KHDRBS2: variants seen among roughly 807,000 people sequenced by gnomAD.
KHDRBS2 encodes KH domain-containing, RNA-binding, signal transduction-associated protein 2.
Under a neutral mutation model 44.3 loss-of-function variants are expected in KHDRBS2, and 26 were observed. The ratio of observed to expected loss-of-function variants is 0.59; its 90% CI spans 0.43 to 0.81. KHDRBS2 has a LOEUF of 0.81. Among genes scored for constraint, KHDRBS2 ranks in the 40% least tolerant of loss-of-function variants. The probability of loss-of-function intolerance (pLI) is 0.00; values close to 1 mark genes in which losing one functional copy is unlikely to be tolerated. For missense variants in KHDRBS2, 476 were observed against 433.1 expected, an observed-to-expected ratio of 1.10 and a Z score of -0.88; for synonymous variants, 194 against 151.1, an observed-to-expected ratio of 1.28 and a Z score of -2.08.
the KHDRBS2 span, among the ~76,000 whole-genome samples, chr6:61,612,721 A>G: frequency 6.6e-6 from 1 of 152,212 alleles, no homozygotes; most frequent in Non-Finnish European, 1.5e-5. Flanking sequence ...AAAGTTTAGA[A>G]ACTTGCCCAA....
At chr6:61,556,922 G>T in the KHDRBS2 span, among the ~76,000 whole-genome samples, 3 of 121,784 alleles carry the variant, frequency 2.5e-5, no homozygotes, top group Non-Finnish European at 4.8e-5. Context: ...AGAGTGCATA[G>T]TGGTGAAAAA....
chr6:61,969,375 T>A (rs1359415313), intron 4 of KHDRBS2, among the ~76,000 whole-genome samples: 2 of 152,050 alleles, frequency 1.3e-5, no homozygotes, highest in Non-Finnish European at 2.9e-5. Flanking sequence ...ACAAAGAATA[T>A]TATAAAATAT....
chr6:62,179,013 T>C (rs6914679), intron 1 of KHDRBS2, among the ~76,000 whole-genome samples: 4,846 of 151,692 alleles, frequency 0.032, 258 homozygotes, highest in African/African-American at 0.11. Flanking sequence ...TTTTATCTAA[T>C]AGTTTTGTTT....
intron 2 of KHDRBS2, among the ~76,000 whole-genome samples, chr6:62,080,661 T>A (rs1469866434): frequency 6.6e-6 from 1 of 152,138 alleles, no homozygotes; most frequent in Non-Finnish European, 1.5e-5. Context: ...TTTGTCCATT[T>A]AGACCCACTG....
intron 6 of KHDRBS2, among the ~76,000 whole-genome samples, chr6:61,779,488 T>C (rs1374527208): frequency 6.6e-6 from 1 of 152,138 alleles, no homozygotes; most frequent in East Asian, 1.9e-4. Context: ...AAGAAAAAAG[T>C]ATGGTAACCT....
At chr6:62,135,156 A>G (rs911183180) in intron 2 of KHDRBS2, among the ~76,000 whole-genome samples, 1 of 152,094 alleles carries the variant, frequency 6.6e-6, no homozygotes, top group Non-Finnish European at 1.5e-5. Context: ...CTGTTGTGGG[A>G]GGGACCCAGT....
intron 6 of KHDRBS2, among the ~76,000 whole-genome samples, chr6:61,873,725 T>C (rs1316317408): frequency 6.6e-6 from 1 of 151,994 alleles, no homozygotes; most frequent in Non-Finnish European, 1.5e-5. Context: ...ATGAATAAGC[T>C]ATGCTACATG....
intron 3 of KHDRBS2, among the ~76,000 whole-genome samples, chr6:62,008,942 C>T (rs765557758): frequency 1.1e-4 from 16 of 151,970 alleles, no homozygotes; most frequent in Non-Finnish European, 1.5e-4. Context: ...AGTGTGAAAA[C>T]GGGCTAATAG....
chr6:62,085,184 T>C (rs1489284796), intron 2 of KHDRBS2, among the ~76,000 whole-genome samples: 2 of 152,144 alleles, frequency 1.3e-5, no homozygotes, highest in East Asian at 1.9e-4. Context: ...TTAAGAAATA[T>C]TTACATTATT....
intron 3 of KHDRBS2, among the ~76,000 whole-genome samples, chr6:62,025,009 A>T (rs1205942822): frequency 6.6e-6 from 1 of 151,696 alleles, no homozygotes; most frequent in Non-Finnish European, 1.5e-5. Context: ...GAAGAGTAAA[A>T]TTAAAACTTA....
intron 4 of KHDRBS2, among the ~76,000 whole-genome samples, chr6:61,910,096 C>G (rs1205577239): frequency 6.6e-6 from 1 of 152,106 alleles, no homozygotes; most frequent in Non-Finnish European, 1.5e-5. Flanking sequence ...GGCGCTTTTA[C>G]CGGAATAGTA....
At chr6:61,574,923 G>T in the KHDRBS2 span, among the ~76,000 whole-genome samples, 7 of 152,138 alleles carry the variant, frequency 4.6e-5, no homozygotes, top group African/African-American at 1.7e-4. Context: ...AAAGAGAAAA[G>T]AATGAAACTG....
chr6:62,178,661 T>C (rs144169344), intron 1 of KHDRBS2, among the ~76,000 whole-genome samples: 204 of 151,672 alleles, frequency 1.3e-3, no homozygotes, highest in Middle Eastern at 3.4e-3. Flanking sequence ...CAATGCACTA[T>C]GTAAAATAAG....
intron 2 of KHDRBS2, among the ~76,000 whole-genome samples, chr6:62,080,175 T>A (rs1018368591): frequency 1.1e-4 from 16 of 152,140 alleles, no homozygotes; most frequent in African/African-American, 3.9e-4. Flanking sequence ...AGTTTCTTGT[T>A]GCATTCCTAA....
intron 2 of KHDRBS2, among the ~76,000 whole-genome samples, chr6:62,062,312 C>T (rs550254110): frequency 6.9e-6 from 1 of 144,788 alleles, no homozygotes; most frequent in African/African-American, 2.6e-5. Context: ...CACCCCAAAT[C>T]AACAGAATAT....
At chr6:61,911,108 C>T (rs772109339) in intron 4 of KHDRBS2, among the ~76,000 whole-genome samples, 1 of 152,126 alleles carries the variant, frequency 6.6e-6, no homozygotes, top group Non-Finnish European at 1.5e-5. Flanking sequence ...AAAGTGTACA[C>T]ATTCTATGCA....
intron 1 of KHDRBS2, among the ~76,000 whole-genome samples, chr6:62,276,855 G>A (rs879743924): frequency 1.6e-4 from 25 of 152,286 alleles, no homozygotes; most frequent in Admixed American, 6.5e-4. Context: ...ATGGTTACAC[G>A]TGGCATCTAG....
chr6:61,827,035 G>T (rs1284159635), intron 6 of KHDRBS2, among the ~76,000 whole-genome samples: 3 of 152,122 alleles, frequency 2.0e-5, no homozygotes, highest in East Asian at 1.9e-4. Context: ...TACTTCATTA[G>T]AAAATATATG....
At chr6:61,945,368 A>G (rs1282725550) in intron 4 of KHDRBS2, among the ~76,000 whole-genome samples, 4 of 151,428 alleles carry the variant, frequency 2.6e-5, no homozygotes, top group African/African-American at 9.7e-5. Flanking sequence ...CCTAATATTT[A>G]TTGTACTAAA....
Sources: gnomAD v4.1 joint callset for allele counts (sites outside exome capture counted in the v4.1 genomes callset) on GRCh38, gnomAD v4.1.1 for gene constraint, MANE v1.5 for transcripts, NCBI Gene and HGNC (gene_info 2026-07-23, HGNC 2026-07-21) for gene names.